The following CTNNA2 variants were observed in gnomAD, a reference collection of about 807,000 sequenced individuals.
CTNNA2 encodes catenin alpha-2.
A neutral mutation model predicts 101.0 loss-of-function variants in CTNNA2; 42 were observed. The observed-to-expected ratio is 0.42, with a 90% CI of 0.32 to 0.54. CTNNA2 has a LOEUF of 0.54. Among genes scored for constraint, CTNNA2 ranks in the 20% least tolerant of loss-of-function variants. The pLI, the probability that CTNNA2 is intolerant of heterozygous loss-of-function variation, is 0.14. For synonymous variants in CTNNA2, 450 were observed against 456.4 expected, an observed-to-expected ratio of 0.99 and a Z score of 0.18; for missense variants, 871 against 1,223.1, an observed-to-expected ratio of 0.71 and a Z score of 4.29.
chr2:80,492,959 T>A (rs1332000276), intron 9 of CTNNA2, among the ~76,000 whole-genome samples: 2 of 152,214 alleles, frequency 1.3e-5, no homozygotes, highest in African/African-American at 4.8e-5. Context: ...TCTTTCTCTC[T>A]CAGTAGGTTA....
At chr2:79,694,115 C>G (rs974670326) in intron 2 of CTNNA2, among the ~76,000 whole-genome samples, 1 of 151,926 alleles carries the variant, frequency 6.6e-6, no homozygotes, top group South Asian at 2.1e-4. Flanking sequence ...GACAACCTCA[C>G]AGCAACCACA....
intron 2 of CTNNA2, among the ~76,000 whole-genome samples, chr2:79,713,425 G>A (rs1033627299): frequency 1.3e-5 from 2 of 152,142 alleles, no homozygotes; most frequent in Non-Finnish European, 2.9e-5. Context: ...CAGCCTGGGT[G>A]ACAGCAAGAG....
At chr2:80,383,667 A>G (rs1676723521) in intron 7 of CTNNA2, among the ~76,000 whole-genome samples, 1 of 152,178 alleles carries the variant, frequency 6.6e-6, no homozygotes, top group African/African-American at 2.4e-5. Flanking sequence ...ATATGAGCCT[A>G]TAAAGAAGGA....
intron 1 of CTNNA2, among the ~76,000 whole-genome samples, chr2:79,540,507 T>C (rs1359557987): frequency 1.3e-5 from 2 of 152,128 alleles, no homozygotes; most frequent in Non-Finnish European, 2.9e-5. Flanking sequence ...TTCCTTTAAA[T>C]CTCCCCACCC....
At chr2:79,607,463 A>G (rs1169468849) in intron 1 of CTNNA2, among the ~76,000 whole-genome samples, 2 of 152,168 alleles carry the variant, frequency 1.3e-5, no homozygotes. Context: ...ATTTTTCCAA[A>G]TACAAACAGG....
intron 2 of CTNNA2, among the ~76,000 whole-genome samples, chr2:79,211,856 G>A (rs776164751): frequency 5.9e-5 from 9 of 152,232 alleles, no homozygotes; most frequent in Non-Finnish European, 8.8e-5. Context: ...GATAGTGGGC[G>A]ATGTTTCTCA....
intron 2 of CTNNA2, among the ~76,000 whole-genome samples, chr2:79,673,637 T>C (rs1295744399): frequency 1.3e-5 from 2 of 152,242 alleles, no homozygotes; most frequent in African/African-American, 4.8e-5. Context: ...AATAAATGAA[T>C]GACCATTTGC....
intron 9 of CTNNA2, among the ~76,000 whole-genome samples, chr2:80,516,707 C>T (rs1276134791): frequency 6.6e-6 from 1 of 152,314 alleles, no homozygotes; most frequent in East Asian, 1.9e-4. Flanking sequence ...CAGTCCTGAT[C>T]ATCTATGTTT....
At chr2:79,385,279 C>T (rs888124737) in intron 4 of CTNNA2, among the ~76,000 whole-genome samples, 1 of 152,122 alleles carries the variant, frequency 6.6e-6, no homozygotes, top group Admixed American at 6.5e-5. Context: ...TGTTTGTTGG[C>T]CACTTTGCCA....
chr2:79,988,488 G>GTGTGTA (rs1558704065), intron 7 of CTNNA2, among the ~76,000 whole-genome samples: 2 of 151,662 alleles, frequency 1.3e-5, no homozygotes, highest in African/African-American at 4.8e-5. Context: ...GTGTGTGTGT[G>GTGTGTA]TGTGTGTGTG....
chr2:80,503,121 C>A (rs1409894651), intron 9 of CTNNA2, among the ~76,000 whole-genome samples: 3 of 151,988 alleles, frequency 2.0e-5, no homozygotes, highest in Admixed American at 2.0e-4. Context: ...TGCACTCAGC[C>A]ATGATGGTGC....
chr2:80,488,055 T>C (rs1686738868), intron 9 of CTNNA2, among the ~76,000 whole-genome samples: 1 of 152,226 alleles, frequency 6.6e-6, no homozygotes, highest in African/African-American at 2.4e-5. Context: ...CCAGTTTCAA[T>C]GGCTAAAGCA....
intron 7 of CTNNA2, among the ~76,000 whole-genome samples, chr2:80,306,442 T>TTCTTTC (rs1437696288): frequency 4.9e-5 from 7 of 143,934 alleles, no homozygotes; most frequent in African/African-American, 1.9e-4. Context: ...CTTTCTTTCT[T>TTCTTTC]TCTTTCTTTC....
chr2:79,772,944 A>G (rs761898934), intron 3 of CTNNA2, among the ~76,000 whole-genome samples: 3 of 152,350 alleles, frequency 2.0e-5, no homozygotes, highest in East Asian at 1.9e-4. Context: ...CAGTTGTTCT[A>G]TCAAACATAA....
intron 7 of CTNNA2, among the ~76,000 whole-genome samples, chr2:80,122,814 C>G (rs1701914902): frequency 6.6e-6 from 1 of 152,124 alleles, no homozygotes. Flanking sequence ...TTACATGACA[C>G]TGGAGAGTGA....
At chr2:79,797,914 TTATA>T (rs1392199399) in intron 3 of CTNNA2, among the ~76,000 whole-genome samples, 1 of 152,196 alleles carries the variant, frequency 6.6e-6, no homozygotes, top group African/African-American at 2.4e-5. Context: ...TTAATTTTTT[TTATA>T]TTTATACCAG....
chr2:80,522,027 A>G (rs1689600944), intron 9 of CTNNA2, among the ~76,000 whole-genome samples: 2 of 152,210 alleles, frequency 1.3e-5, no homozygotes, highest in Admixed American at 6.5e-5. Flanking sequence ...TCAACCTAAC[A>G]GTTACATATC....
At chr2:80,553,304 CCTGA>C (rs1692751236) in intron 11 of CTNNA2, among the ~76,000 whole-genome samples, 1 of 151,858 alleles carries the variant, frequency 6.6e-6, no homozygotes, top group Admixed American at 6.6e-5. Flanking sequence ...ACATTATTAA[CCTGA>C]CTATGTAACA....
intron 7 of CTNNA2, among the ~76,000 whole-genome samples, chr2:80,388,142 A>C (rs541627684): frequency 6.6e-6 from 1 of 152,332 alleles, no homozygotes; most frequent in South Asian, 2.1e-4. Context: ...AGAATCCTGA[A>C]ATTTTAGAGA....
Sources: allele counts gnomAD v4.1 joint callset (sites outside exome capture counted in the v4.1 genomes callset), GRCh38; gene constraint gnomAD v4.1.1; transcripts MANE v1.5; gene names NCBI Gene and HGNC (gene_info 2026-07-23, HGNC 2026-07-21).